ALKBH3: variants seen among roughly 807,000 people sequenced by gnomAD.
ALKBH3 encodes the protein alpha-ketoglutarate-dependent dioxygenase alkB homolog 3.
Under a neutral mutation model 43.9 loss-of-function variants are expected in ALKBH3, and 51 were observed. That is an observed-to-expected ratio of 1.16 (90% CI 0.93 to 1.47). ALKBH3 has a LOEUF of 1.47. Ranked by LOEUF, ALKBH3 falls within the 40% of genes most tolerant of loss-of-function variation. The pLI, the probability that ALKBH3 is intolerant of heterozygous loss-of-function variation, is 0.00. For missense variants in ALKBH3, 361 were observed against 351.9 expected, an observed-to-expected ratio of 1.03 and a Z score of -0.21; for synonymous variants, 102 against 115.2, an observed-to-expected ratio of 0.89 and a Z score of 0.73.
chr11:43,892,885 A>G (rs1951793824), intron 7 of ALKBH3, among the ~76,000 whole-genome samples: 1 of 152,256 alleles, frequency 6.6e-6, no homozygotes, highest in Non-Finnish European at 1.5e-5. Context: ...CTAAAATTTC[A>G]GGGAGAAAAC....
In ALKBH3 at chr11:43,882,751, T is replaced by TTG. The variant is rs562893856; in HGVS notation, c.79+31_79+32dup. The TTG allele has an allele frequency of 1.6e-5, 26 of 1,605,890 alleles. No homozygotes were observed. The highest frequency in any genetic ancestry group is 1.5e-4 in the African/African-American group (11 of 74,466). ...AGCCAGGCAAGAATCTGTAGGGATTTTGTGTGTGTGTGGATATGGACAACT... is the reference window on the plus strand; with the variant it reads ...AGCCAGGCAAGAATCTGTAGGGATTTTGTGTGTGTGTGTGGATATGGACAACT... On this transcript the variant is annotated intron_variant, in intron 2 of 9. Transcript: ENST00000302708.
intron 7 of ALKBH3, chr11:43,899,422 G>A: frequency 2.8e-6 from 2 of 710,022 alleles, no homozygotes; most frequent in East Asian, 2.8e-5. Context: ...GTAAAGTGAT[G>A]TACTACGCCA....
chr11:43,894,856 T>C (rs2135185432), intron 7 of ALKBH3, among the ~76,000 whole-genome samples: 1 of 152,338 alleles, frequency 6.6e-6, no homozygotes, highest in South Asian at 2.1e-4. Flanking sequence ...GTTTTATGAG[T>C]GTGGATCTCA....
intron 7 of ALKBH3, among the ~76,000 whole-genome samples, chr11:43,900,692 G>A (rs1457904645): frequency 6.6e-6 from 1 of 152,146 alleles, no homozygotes; most frequent in African/African-American, 2.4e-5. Flanking sequence ...GCTTTGTAAA[G>A]TACTCGAGAT....
At chr11:43,901,862 C>A (rs1951866261) in intron 8 of ALKBH3, 137 bp downstream of exon 8, 1 of 1,060,396 alleles carries the variant, frequency 9.4e-7, no homozygotes, top group East Asian at 2.6e-5. Context: ...CAAGTGACTA[C>A]TTCCCCATGG....
Position 43,911,135 on chromosome 11 carries a change from A to G in ALKBH3, c.670-7903A>G, listed in dbSNP as rs116664518. Among the ~76,000 whole-genome samples the G allele has an allele frequency of 2.7e-3, 404 of 152,298 alleles. 1 individual carries two copies. The highest frequency in any genetic ancestry group is 9.4e-3 in the African/African-American group (390 of 41,570). On this transcript the variant is annotated intron_variant, in intron 8 of 9. Coordinates refer to ENST00000302708, the MANE Select transcript of ALKBH3 (RefSeq NM_139178.4). Reference sequence around the variant, plus strand: ...TCACTGTGGCTGCTGTGTGAAGAATAATTTGGGAAGAGGCAAGAGTAGGAG... The same window carrying G: ...TCACTGTGGCTGCTGTGTGAAGAATGATTTGGGAAGAGGCAAGAGTAGGAG...
rs754599411 is a variant in ALKBH3, at chr11:43,892,051, T to C, written c.381T>C (p.Tyr127=). 6.2e-7 allele frequency: 1 copy of C among 1,612,754 alleles called. No homozygotes were observed. The highest frequency in any genetic ancestry group is 1.7e-5 in the Admixed American group (1 of 60,010). The change falls in exon 7 of 10, where the codon TAT becomes TAC. Residue 127 remains tyrosine (Y), a synonymous_variant. Transcript: ENST00000302708. ...QRTGIREDIT[Y]QQPRLTAWYG... The stretch of plus-strand genomic sequence containing the variant: ...TATTTTCTTTCTTAGATATAACTTA[T>C]CAGCAACCAAGACTTACAGCATGGT...
At chr11:43,911,812 A>G (rs1951941080) in intron 8 of ALKBH3, among the ~76,000 whole-genome samples, 1 of 152,172 alleles carries the variant, frequency 6.6e-6, no homozygotes, top group South Asian at 2.1e-4. Context: ...GTACATTATC[A>G]TTCAGAGAAA....
chr11:43,883,326 G>A (rs1187668651), intron 3 of ALKBH3, 138 bp downstream of exon 3: 17 of 642,010 alleles, frequency 2.6e-5, no homozygotes, highest in Non-Finnish European at 4.5e-5. Flanking sequence ...ATAATGAAAT[G>A]AGAAATATTT....
chr11:43,890,267 A>G (rs760205590), intron 6 of ALKBH3, among the ~76,000 whole-genome samples: 4 of 152,140 alleles, frequency 2.6e-5, no homozygotes, highest in Non-Finnish European at 5.9e-5. Flanking sequence ...AACTTTTGCC[A>G]GAAGAGTCCA....
intron 7 of ALKBH3, among the ~76,000 whole-genome samples, chr11:43,895,305 A>G (rs1951811098): frequency 6.6e-6 from 1 of 152,210 alleles, no homozygotes; most frequent in Admixed American, 6.5e-5. Flanking sequence ...TAATTGAATC[A>G]TGGGGGCATT....
At position 43,905,589 on chromosome 11, in the gene ALKBH3, T is replaced by C. The variant is rs372599767; in HGVS notation, c.669+3864T>C. The stretch of plus-strand genomic sequence containing the variant: ...TTGTTTAAGCTTGCTTTTACATTCA[T>C]TCCGATTCCTTTTTTGTTTAGTTCA... On this transcript the variant is annotated intron_variant, in intron 8 of 9. Transcript: ENST00000302708. 2.0e-5 allele frequency among the ~76,000 whole-genome samples: 3 copies of C among 152,194 alleles called. No homozygotes were observed. The South Asian group carries it at 6.2e-4, about 31-fold the overall frequency.
chr11:43,898,484 A>G (rs552718103), intron 7 of ALKBH3: 5 of 952,810 alleles, frequency 5.2e-6, no homozygotes, highest in Non-Finnish European at 8.5e-6. Flanking sequence ...ATGGACACCA[A>G]CGGCTTGGTG....
intron 6 of ALKBH3, among the ~76,000 whole-genome samples, chr11:43,890,240 A>G (rs1207556520): frequency 6.6e-6 from 1 of 151,784 alleles, no homozygotes; most frequent in Non-Finnish European, 1.5e-5. Context: ...CTCCTTGCTG[A>G]CTTTGTATTC....
chr11:43,906,320 C>G (rs958736286), intron 8 of ALKBH3, among the ~76,000 whole-genome samples: 2 of 152,036 alleles, frequency 1.3e-5, no homozygotes, highest in African/African-American at 4.8e-5. Flanking sequence ...AAAGGTCAGT[C>G]AAGTCATAAA....
chr11:43,900,349 G>A (rs199751079), intron 7 of ALKBH3, among the ~76,000 whole-genome samples: 3 of 147,872 alleles, frequency 2.0e-5, no homozygotes, highest in Non-Finnish European at 1.5e-5. Context: ...TCAGCCTCCC[G>A]AGTAGCTGGG....
chr11:43,902,785 TG>T (rs2135193897), intron 8 of ALKBH3, among the ~76,000 whole-genome samples: 1 of 152,236 alleles, frequency 6.6e-6, no homozygotes, highest in South Asian at 2.1e-4. Flanking sequence ...TTAGGAGAGA[TG>T]GGGTTTTGCC....
rs185692303 is a variant in ALKBH3, at chr11:43,883,041, A to G, written c.80-44A>G. 5.8e-4 allele frequency: 885 copies of G among 1,537,416 alleles called. 8 individuals are homozygous for G. In the African/African-American group the frequency reaches 0.011, roughly 20 times the overall value. ...CCTTGCTCAGTAGAAGGTGCTGAGA[A>G]CAGACTTTCCCCTGGTTTGAGGCTG... On this transcript the variant is annotated intron_variant, in intron 2 of 9. Transcript: ENST00000302708.
intron 7 of ALKBH3, chr11:43,898,766 C>A: frequency 1.3e-6 from 1 of 744,328 alleles, no homozygotes; most frequent in Non-Finnish European, 2.5e-6. Flanking sequence ...GTGCTCTGGA[C>A]GCTGGTTAGT....
Sources: gnomAD v4.1 joint callset for allele counts (sites outside exome capture counted in the v4.1 genomes callset) on GRCh38, gnomAD v4.1.1 for gene constraint, MANE v1.5 for transcripts, NCBI Gene and HGNC (gene_info 2026-07-23, HGNC 2026-07-21) for gene names.